Variants in ZNF420 observed in about 807,000 individuals in gnomAD.
ZNF420 encodes the protein ATM and p53-associated KZNF protein.
Under a neutral mutation model 44.7 loss-of-function variants are expected in ZNF420, and 31 were observed. The ratio of observed to expected loss-of-function variants is 0.69; its 90% CI spans 0.52 to 0.94. The LOEUF (loss-of-function observed/expected upper bound fraction) is 0.94. Ranked by LOEUF, ZNF420 falls within the 40% of genes least tolerant of loss-of-function variation. The pLI is 0.00. For missense variants in ZNF420, 681 were observed against 827.9 expected, an observed-to-expected ratio of 0.82 and a Z score of 2.18; for synonymous variants, 245 against 267.4, an observed-to-expected ratio of 0.92 and a Z score of 0.82.
At chr19:37,066,213 C>T (rs867132297) in intron 1 of ZNF420, among the ~76,000 whole-genome samples, 10 of 152,160 alleles carry the variant, frequency 6.6e-5, no homozygotes, top group Admixed American at 2.0e-4. Context: ...GAGGCTGCGG[C>T]GGGTGGATCA....
chr19:37,098,403 A>G (rs1189674692), intron 4 of ZNF420, among the ~76,000 whole-genome samples: 2 of 152,106 alleles, frequency 1.3e-5, no homozygotes, highest in Non-Finnish European at 2.9e-5. Flanking sequence ...GAGCACAGAC[A>G]CTGAGCTCAA....
chr19:37,008,006 G>A (rs1277829785), exon 1 of ZNF420: 1 of 202,344 alleles, frequency 4.9e-6, no homozygotes, highest in African/African-American at 2.4e-5. Context: ...GGGCAGAGCA[G>A]GATGAAGAAA....
intron 1 of ZNF420, among the ~76,000 whole-genome samples, chr19:37,018,778 C>CA (rs1413175953): frequency 6.6e-6 from 1 of 152,092 alleles, no homozygotes; most frequent in African/African-American, 2.4e-5. Context: ...CCATGTTGGC[C>CA]AGGCTGGTCT....
intron 1 of ZNF420, among the ~76,000 whole-genome samples, chr19:37,009,635 G>T (rs1408379169): frequency 6.6e-6 from 1 of 152,178 alleles, no homozygotes; most frequent in Admixed American, 6.5e-5. Context: ...AGCGGGGCAG[G>T]CCACTGCACC....
intron 4 of ZNF420, chr19:37,091,482 A>G (rs965476553): frequency 1.2e-5 from 2 of 160,272 alleles, no homozygotes; most frequent in African/African-American, 4.8e-5. Flanking sequence ...ATAGATGCAG[A>G]GATGTATGTT....
At chr19:37,020,441 C>T (rs1360205015) in intron 1 of ZNF420, among the ~76,000 whole-genome samples, 2 of 152,144 alleles carry the variant, frequency 1.3e-5, no homozygotes, top group Admixed American at 1.3e-4. Context: ...AATAAGCTCT[C>T]ACTCCCTAAA....
At position 37,129,903 on chromosome 19, in the gene ZNF420, G is replaced by A. The variant is rs1599738063; in HGVS notation, c.*845G>A. 3 of 1,251,898 alleles carry A rather than the reference G, an allele frequency of 2.4e-6. No individual in the cohort carries two copies. The highest frequency in any genetic ancestry group is 2.7e-5 in the East Asian group (1 of 36,576). 77.5% of individuals were successfully genotyped at this position (1,251,898 alleles called of 1,614,324 possible). Reference sequence around the variant, plus strand: ...AAAACTTGAATGTATTGCTTTTGAAGTAAACAAAATAACTGATATTACAGA... The same window carrying A: ...AAAACTTGAATGTATTGCTTTTGAAATAAACAAAATAACTGATATTACAGA... On this transcript the variant is annotated 3_prime_UTR_variant, in exon 5 of 5. Transcript: ENST00000337995.
intron 4 of ZNF420, among the ~76,000 whole-genome samples, chr19:37,105,994 T>C (rs1323059758): frequency 6.6e-6 from 1 of 152,192 alleles, no homozygotes. Context: ...CAATTTGACT[T>C]CCTCTTTTCC....
intron 1 of ZNF420, among the ~76,000 whole-genome samples, chr19:37,058,696 C>A (rs1345919456): frequency 1.3e-5 from 2 of 152,046 alleles, no homozygotes; most frequent in African/African-American, 4.8e-5. Flanking sequence ...TCTGTGTCCC[C>A]CCGCATCCAC....
intron 1 of ZNF420, among the ~76,000 whole-genome samples, chr19:37,065,287 C>G (rs1280411582): frequency 3.3e-5 from 5 of 152,158 alleles, no homozygotes; most frequent in Non-Finnish European, 7.4e-5. Context: ...TAGCATAGAG[C>G]TTGGTGTTCC....
At chr19:37,030,507 G>A (rs1214250346) in intron 1 of ZNF420, among the ~76,000 whole-genome samples, 1 of 152,146 alleles carries the variant, frequency 6.6e-6, no homozygotes, top group Non-Finnish European at 1.5e-5. Context: ...CCACATGTAA[G>A]TAAGGTCATG....
In ZNF420 at chr19:37,107,854, C is replaced by T. The variant is rs77628599; in HGVS notation, c.136+16733C>T. ...GGTACCAAATTTAATGGGCTTTGATCCTTCAAAAATTTGTTCTTTTAATTT... is the reference window on the plus strand; with the variant it reads ...GGTACCAAATTTAATGGGCTTTGATTCTTCAAAAATTTGTTCTTTTAATTT... On this transcript the variant is annotated intron_variant, in intron 4 of 4. Transcript: ENST00000337995. 3.0e-4 allele frequency among the ~76,000 whole-genome samples: 45 copies of T among 151,668 alleles called. No individual in the cohort carries two copies. The East Asian group carries it at 6.8e-3, about 23-fold the overall frequency.
chr19:37,125,149 C>G (rs1971278361), intron 4 of ZNF420, among the ~76,000 whole-genome samples: 2 of 152,044 alleles, frequency 1.3e-5, no homozygotes, highest in Admixed American at 6.6e-5. Context: ...GAATAATTGC[C>G]TTTTTTCTCT....
At chr19:37,115,121 C>G (rs1433632583) in intron 4 of ZNF420, 5 of 175,716 alleles carry the variant, frequency 2.8e-5, no homozygotes, top group Non-Finnish European at 6.1e-5. Context: ...TCAGGAATCT[C>G]TCGTTGACTT....
At chr19:37,022,860 A>C (rs552677737) in intron 1 of ZNF420, among the ~76,000 whole-genome samples, 1 of 152,304 alleles carries the variant, frequency 6.6e-6, no homozygotes, top group Non-Finnish European at 1.5e-5. Flanking sequence ...GCATGGGGGC[A>C]GGCGCGGTGG....
chr19:37,028,363 T>A (rs1967190837), intron 1 of ZNF420, among the ~76,000 whole-genome samples: 1 of 152,202 alleles, frequency 6.6e-6, no homozygotes, highest in East Asian at 1.9e-4. Flanking sequence ...ACCTGAGTTT[T>A]GATTGGAAAC....
chr19:37,015,080 G>A (rs1321598581), intron 1 of ZNF420, among the ~76,000 whole-genome samples: 2 of 152,232 alleles, frequency 1.3e-5, no homozygotes, highest in African/African-American at 2.4e-5. Flanking sequence ...GCAGAACCAC[G>A]CAGCCTCAGG....
At chr19:37,065,038 G>T (rs528581604) in intron 1 of ZNF420, among the ~76,000 whole-genome samples, 1 of 152,296 alleles carries the variant, frequency 6.6e-6, no homozygotes, top group African/African-American at 2.4e-5. Flanking sequence ...GAGGTCAAAA[G>T]GGCACATTGC....
At chr19:37,087,348 T>C (rs1195052590) in intron 2 of ZNF420, among the ~76,000 whole-genome samples, 2 of 151,068 alleles carry the variant, frequency 1.3e-5, no homozygotes, top group African/African-American at 4.8e-5. Context: ...AATTAAGAGC[T>C]TGGCACTTTT....
Sources: gnomAD v4.1 joint callset for allele counts (sites outside exome capture counted in the v4.1 genomes callset) on GRCh38, gnomAD v4.1.1 for gene constraint, MANE v1.5 for transcripts, NCBI Gene and HGNC (gene_info 2026-07-23, HGNC 2026-07-21) for gene names.